STX17: variants seen among roughly 807,000 people sequenced by gnomAD.
STX17 encodes the protein syntaxin-17.
In STX17, 29 loss-of-function variants were observed where a neutral mutation model predicts 35.9. The ratio of observed to expected loss-of-function variants is 0.81; its 90% CI spans 0.60 to 1.10. The LOEUF (loss-of-function observed/expected upper bound fraction) is 1.10, where lower values mean the gene tolerates loss of function less well. Ranked by LOEUF, STX17 falls within the 50% of genes least tolerant of loss-of-function variation. The pLI, the probability that STX17 is intolerant of heterozygous loss-of-function variation, is 0.00. For missense variants in STX17, 312 were observed against 352.3 expected (o/e 0.89, Z 0.92); for synonymous variants, 92 against 118.3 (o/e 0.78, Z 1.44).
At chr9:99,957,132 A>G (rs1163689972) in intron 4 of STX17, among the ~76,000 whole-genome samples, 1 of 152,152 alleles carries the variant, frequency 6.6e-6, no homozygotes, top group Non-Finnish European at 1.5e-5. Context: ...GCTGATTTAC[A>G]TAGCTATATT....
chr9:99,911,955 C>T (rs1009748585), intron 1 of STX17, among the ~76,000 whole-genome samples: 5 of 152,150 alleles, frequency 3.3e-5, no homozygotes, highest in African/African-American at 7.2e-5. Flanking sequence ...CGCCAGGCGT[C>T]GTGGCTCACG....
chr9:99,973,842 C>T lies in STX17; in HGVS notation c.*5169C>T, dbSNP rs951975201. Among the ~76,000 whole-genome samples the T allele has an allele frequency of 1.3e-5, 2 of 152,170 alleles. No individual in the cohort carries two copies. The highest frequency in any genetic ancestry group is 2.4e-5 in the African/African-American group (1 of 41,442). On this transcript the variant is annotated 3_prime_UTR_variant, in exon 8 of 8. Coordinates refer to ENST00000259400, the MANE Select transcript of STX17 (RefSeq NM_017919.3). ...CCCTTAGATTGGCATTCACAGCCTT[C>T]TACGTTCTGGCCCCAGCTTTATCTC...
intron 4 of STX17, among the ~76,000 whole-genome samples, chr9:99,955,576 A>G (rs913678249): frequency 1.3e-5 from 2 of 152,114 alleles, no homozygotes; most frequent in Non-Finnish European, 2.9e-5. Flanking sequence ...AGGTTAGTGG[A>G]AATTTTTTAT....
At chr9:99,930,911 A>G (rs150614341) in intron 3 of STX17, among the ~76,000 whole-genome samples, 3 of 152,214 alleles carry the variant, frequency 2.0e-5, no homozygotes, top group East Asian at 1.9e-4. Context: ...AAGGCTTTCT[A>G]TCTTCTTTGT....
intron 2 of STX17, chr9:99,916,227 T>C (rs564561493): frequency 1.0e-3 from 369 of 352,760 alleles, no homozygotes; most frequent in Admixed American, 1.7e-3. Context: ...GAACCTACCA[T>C]GCTCCGGTGA....
At chr9:99,942,515 C>T (rs1454761048) in intron 3 of STX17, among the ~76,000 whole-genome samples, 2 of 151,974 alleles carry the variant, frequency 1.3e-5, no homozygotes, top group African/African-American at 4.8e-5. Flanking sequence ...GAGACGGGGT[C>T]TCCTTTTGTT....
chr9:99,937,581 C>A (rs1268190197), intron 3 of STX17, among the ~76,000 whole-genome samples: 1 of 152,156 alleles, frequency 6.6e-6, no homozygotes, highest in Non-Finnish European at 1.5e-5. Context: ...TAGTTTTCCC[C>A]TCCAGAATTT....
chr9:99,957,815 G>A (rs940436018), intron 4 of STX17, among the ~76,000 whole-genome samples: 9 of 151,830 alleles, frequency 5.9e-5, no homozygotes, highest in Middle Eastern at 3.4e-3. Context: ...CACCATGCCG[G>A]CTAATTTTTT....
chr9:99,949,223 T>C (rs1829544091), intron 3 of STX17, among the ~76,000 whole-genome samples: 1 of 152,112 alleles, frequency 6.6e-6, no homozygotes, highest in South Asian at 2.1e-4. Flanking sequence ...ACAGTTTAAT[T>C]ATCCTTAGGT....
intron 3 of STX17, 180 bp downstream of exon 3, chr9:99,929,023 T>G (rs1180216322): frequency 5.7e-6 from 3 of 524,162 alleles, no homozygotes; most frequent in African/African-American, 1.9e-5. Context: ...AAAGTTTTGT[T>G]TTGTTACCAA....
rs148019396 is a variant in STX17 at position 99,952,927 on chromosome 9, A to G, written c.415+1642A>G. Among the ~76,000 whole-genome samples, 68 of 152,064 alleles carry G rather than the reference A, an allele frequency of 4.5e-4. No individual in the cohort carries two copies. The East Asian group carries it at 0.011, about 25-fold the overall frequency. On this transcript the variant is annotated intron_variant, in intron 4 of 7. Coordinates refer to ENST00000259400, the MANE Select transcript of STX17 (RefSeq NM_017919.3). ...TAGCATTAGGAGATATACCTAAGCT[A>G]AATGATGAGTTAATGGGTGCAGCAC...
chr9:99,928,121 T>G (rs1006030486), intron 2 of STX17, among the ~76,000 whole-genome samples: 1 of 152,176 alleles, frequency 6.6e-6, no homozygotes, highest in African/African-American at 2.4e-5. Flanking sequence ...AAATAACATA[T>G]GATATTTGGT....
intron 2 of STX17, among the ~76,000 whole-genome samples, chr9:99,923,914 C>T (rs1828938430): frequency 6.6e-6 from 1 of 152,146 alleles, no homozygotes; most frequent in South Asian, 2.1e-4. Flanking sequence ...CTTCCATGTC[C>T]TCCCTGGAGA....
intron 2 of STX17, among the ~76,000 whole-genome samples, chr9:99,920,192 T>C (rs1278181605): frequency 3.3e-5 from 5 of 152,330 alleles, no homozygotes; most frequent in Middle Eastern, 3.4e-3. Flanking sequence ...CAGTGAACAA[T>C]AGACATATCC....
At chr9:99,949,925 G>A (rs576664222) in intron 3 of STX17, among the ~76,000 whole-genome samples, 1 of 130,536 alleles carries the variant, frequency 7.7e-6, no homozygotes, top group South Asian at 2.3e-4. Flanking sequence ...CACAAACTGT[G>A]TACATGCACA....
chr9:99,937,027 G>T (rs1829250889), intron 3 of STX17, among the ~76,000 whole-genome samples: 1 of 152,084 alleles, frequency 6.6e-6, no homozygotes. Flanking sequence ...GTTTTTAAAA[G>T]AAATTTTGCT....
chr9:99,924,720 T>C (rs1347477289), intron 2 of STX17, among the ~76,000 whole-genome samples: 2 of 152,182 alleles, frequency 1.3e-5, no homozygotes, highest in Non-Finnish European at 2.9e-5. Context: ...ATTTTATTTT[T>C]TTCTAGCCTT....
At chr9:99,928,675 T>C (rs1411347148) in intron 2 of STX17, 103 bp from the exon 3 acceptor site, 2 of 851,262 alleles carry the variant, frequency 2.3e-6, no homozygotes, top group East Asian at 2.6e-5. Flanking sequence ...CTTCTCTAGA[T>C]AGTATGTTTA....
intron 3 of STX17, among the ~76,000 whole-genome samples, chr9:99,950,272 C>T (rs1317171949): frequency 6.6e-6 from 1 of 151,894 alleles, no homozygotes; most frequent in Non-Finnish European, 1.5e-5. Flanking sequence ...AATAGGCAAT[C>T]ATACCTTGAT....
Sources: gnomAD v4.1 joint callset for allele counts (sites outside exome capture counted in the v4.1 genomes callset) on GRCh38, gnomAD v4.1.1 for gene constraint, MANE v1.5 for transcripts, NCBI Gene and HGNC (gene_info 2026-07-23, HGNC 2026-07-21) for gene names.